RPS6KA2: variants seen among roughly 807,000 people sequenced by gnomAD.
RPS6KA2 encodes the protein ribosomal protein S6 kinase A2.
A neutral mutation model predicts 91.8 loss-of-function variants in RPS6KA2; 42 were observed. The ratio of observed to expected loss-of-function variants is 0.46; its 90% CI spans 0.36 to 0.59. The LOEUF (loss-of-function observed/expected upper bound fraction) is 0.59. Ranked by LOEUF, RPS6KA2 falls within the 20% of genes least tolerant of loss-of-function variation. The pLI, the probability that RPS6KA2 is intolerant of heterozygous loss-of-function variation, is 0.00. For missense variants in RPS6KA2, 798 were observed against 978.5 expected, an observed-to-expected ratio of 0.82 and a Z score of 2.46; for synonymous variants, 414 against 393.6, an observed-to-expected ratio of 1.05 and a Z score of -0.61.
intron 1 of RPS6KA2, among the ~76,000 whole-genome samples, chr6:166,566,400 G>A (rs1414288589): frequency 1.3e-5 from 2 of 152,224 alleles, no homozygotes; most frequent in Non-Finnish European, 2.9e-5. Context: ...CTGAATGAGG[G>A]ATGGATGGCT....
At chr6:166,777,102 T>C (rs561395889) in intron 2 of RPS6KA2, among the ~76,000 whole-genome samples, 3 of 152,178 alleles carry the variant, frequency 2.0e-5, no homozygotes, top group Admixed American at 2.0e-4. Context: ...GGGGCGGCTG[T>C]GAGGTGAAGA....
chr6:166,771,352 T>C (rs142453167), intron 2 of RPS6KA2, among the ~76,000 whole-genome samples: 1 of 152,326 alleles, frequency 6.6e-6, no homozygotes, highest in Non-Finnish European at 1.5e-5. Context: ...TTCATCTTCA[T>C]CTGTAATACG....
intron 2 of RPS6KA2, among the ~76,000 whole-genome samples, chr6:166,769,449 G>A (rs1778406737): frequency 6.6e-6 from 1 of 152,136 alleles, no homozygotes; most frequent in South Asian, 2.1e-4. Flanking sequence ...CTTGTTTGCT[G>A]AGTTGATTTA....
intron 2 of RPS6KA2, among the ~76,000 whole-genome samples, chr6:166,776,510 G>A (rs1389715424): frequency 1.3e-5 from 2 of 152,154 alleles, no homozygotes; most frequent in African/African-American, 2.4e-5. Context: ...TCACACTGAC[G>A]TGTCACCAGG....
Position 166,761,752 on chromosome 6 carries a change from A to G in RPS6KA2, c.123+96448T>C, listed in dbSNP as rs550725495. On this transcript the variant is annotated intron_variant, in intron 2 of 21. Transcript: ENST00000503859. ...TGTGTTGAAGACATCACTGGGAGTG[A>G]GTTGTACCTTTCCCCTTCCTAGGCC... Among the ~76,000 whole-genome samples the G allele has an allele frequency of 3.9e-5, 6 of 152,302 alleles. No homozygotes were observed. The East Asian group carries it at 1.2e-3, about 29-fold the overall frequency.
intron 2 of RPS6KA2, among the ~76,000 whole-genome samples, chr6:166,705,368 C>G (rs1789652112): frequency 6.6e-6 from 1 of 152,216 alleles, no homozygotes; most frequent in Non-Finnish European, 1.5e-5. Flanking sequence ...ACTGCAGCAG[C>G]CTCCTCCCTG....
chr6:166,535,005 T>C (rs185867529), intron 2 of RPS6KA2, among the ~76,000 whole-genome samples: 1 of 152,370 alleles, frequency 6.6e-6, no homozygotes, highest in Non-Finnish European at 1.5e-5. Flanking sequence ...CCCTCTCTGC[T>C]GTCATTCTTG....
intron 2 of RPS6KA2, among the ~76,000 whole-genome samples, chr6:166,695,691 C>T (rs1247701702): frequency 6.6e-6 from 1 of 151,962 alleles, no homozygotes; most frequent in African/African-American, 2.4e-5. Context: ...ACTGGATTCT[C>T]CTAGGAGCAC....
At chr6:166,826,498 A>G (rs1323520896) in intron 2 of RPS6KA2, among the ~76,000 whole-genome samples, 1 of 152,212 alleles carries the variant, frequency 6.6e-6, no homozygotes, top group Non-Finnish European at 1.5e-5. Flanking sequence ...TTCAAGGGAG[A>G]ATCTCCCACA....
exon 1 of RPS6KA2, chr6:166,862,387 A>C: frequency 7.2e-7 from 1 of 1,390,292 alleles, no homozygotes. Flanking sequence ...GGGGGCTGCA[A>C]TATGGCTGCT....
rs867290372 is a variant in RPS6KA2, at chr6:166,839,685, G to C, written c.123+18515C>G. On this transcript the variant is annotated intron_variant, in intron 2 of 21. Coordinates refer to the RPS6KA2 transcript ENST00000503859. ...GAGGGAGGTGGAAATCAGAGCAGGA[G>C]AGGAGAGGGGAGGAGAGGAGAGGAG... Among the ~76,000 whole-genome samples the C allele has an allele frequency of 5.0e-3, 345 of 69,162 alleles. 2 individuals carry two copies. The highest frequency in any genetic ancestry group is 0.015 in the East Asian group (20 of 1,310). 45.4% of individuals were successfully genotyped at this position (69,162 alleles called of 152,430 possible).
chr6:166,860,500 G>A (rs1266785778), intron 1 of RPS6KA2, among the ~76,000 whole-genome samples: 5 of 152,156 alleles, frequency 3.3e-5, no homozygotes, highest in East Asian at 3.9e-4. Context: ...ATTTATGAGC[G>A]ATTTGAGAAA....
intron 1 of RPS6KA2, among the ~76,000 whole-genome samples, chr6:166,585,630 CAAA>C (rs757455295): frequency 6.3e-5 from 2 of 31,996 alleles, no homozygotes; most frequent in African/African-American, 2.6e-4. Context: ...TTAACAAATG[CAAA>C]AAAAAAAAAA....
chr6:166,858,009 C>A, intron 2 of RPS6KA2: 1 of 543,926 alleles, frequency 1.8e-6, no homozygotes, highest in Non-Finnish European at 3.3e-6. Flanking sequence ...GGGAGATTAC[C>A]GAATATAATA....
At position 166,821,746 on chromosome 6, in the gene RPS6KA2, A is replaced by G. The variant is rs1779909513; in HGVS notation, c.123+36454T>C. ...AAAACCATGTTTGCTGAGGATGCCCAGTAGTAAGGCCCTGACCCTTCTGTG... is the reference window on the plus strand; with the variant it reads ...AAAACCATGTTTGCTGAGGATGCCCGGTAGTAAGGCCCTGACCCTTCTGTG... On this transcript the variant is annotated intron_variant, in intron 2 of 21. Transcript: ENST00000503859. This position sits in a 1 kb window ranked among gnomAD's most constrained non-coding sequence, Gnocchi z 4.1. 6.6e-6 allele frequency among the ~76,000 whole-genome samples: 1 copy of G among 152,122 alleles called. No homozygotes were observed. The highest frequency in any genetic ancestry group is 1.5e-5 in the Non-Finnish European group (1 of 68,008).
chr6:166,782,924 ATC>A (rs10556799), intron 2 of RPS6KA2, among the ~76,000 whole-genome samples: 32,607 of 151,652 alleles, frequency 0.22, 4,312 homozygotes, highest in African/African-American at 0.37. Flanking sequence ...GGCTTGTCTA[ATC>A]TCTCTCAGCC....
At chr6:166,797,762 G>C (rs1163708095) in intron 2 of RPS6KA2, among the ~76,000 whole-genome samples, 1 of 152,078 alleles carries the variant, frequency 6.6e-6, no homozygotes, top group Non-Finnish European at 1.5e-5. Flanking sequence ...GTTGTTCAAG[G>C]TTCAATGGCA....
At chr6:166,858,010 G>T in intron 2 of RPS6KA2, 1 of 540,904 alleles carries the variant, frequency 1.8e-6, no homozygotes, top group Non-Finnish European at 3.3e-6. Flanking sequence ...GGAGATTACC[G>T]AATATAATAA....
chr6:166,831,383 C>A lies in RPS6KA2; in HGVS notation c.123+26817G>T, dbSNP rs73268972. Among the ~76,000 whole-genome samples the A allele has an allele frequency of 5.0e-3, 762 of 152,240 alleles. 9 individuals carry two copies. The highest frequency in any genetic ancestry group is 0.017 in the African/African-American group (710 of 41,534). ...TGGCCATGATGACTATGGAGCTTCTCTACTTCAACTTGAATTTGCCCTTCC... is the reference window on the plus strand; with the variant it reads ...TGGCCATGATGACTATGGAGCTTCTATACTTCAACTTGAATTTGCCCTTCC... On this transcript the variant is annotated intron_variant, in intron 2 of 21. Transcript: ENST00000503859.
Sources: allele counts gnomAD v4.1 joint callset (sites outside exome capture counted in the v4.1 genomes callset), GRCh38; gene constraint gnomAD v4.1.1; non-coding constraint Gnocchi (gnomAD v3.1); transcripts MANE v1.5; gene names NCBI Gene and HGNC (gene_info 2026-07-23, HGNC 2026-07-21).